The following GRIP1 variants were observed in gnomAD, a reference collection of about 807,000 sequenced individuals.
The protein encoded by GRIP1 is glutamate receptor-interacting protein 1.
A neutral mutation model predicts 129.9 loss-of-function variants in GRIP1; 45 were observed. The observed-to-expected ratio is 0.35, with a 90% CI of 0.27 to 0.44. The LOEUF is 0.44. GRIP1 is among the 20% of genes least tolerant of loss of function. The probability of loss-of-function intolerance (pLI) is 1.00; values close to 1 mark genes in which losing one functional copy is unlikely to be tolerated. For missense variants in GRIP1, 1,196 were observed against 1,396.8 expected, an observed-to-expected ratio of 0.86 and a Z score of 2.29; for synonymous variants, 530 against 520.8, an observed-to-expected ratio of 1.02 and a Z score of -0.24.
chr12:66,798,595 A>G (rs2038768329), intron 1 of GRIP1, among the ~76,000 whole-genome samples: 1 of 152,186 alleles, frequency 6.6e-6, no homozygotes, highest in African/African-American at 2.4e-5. Context: ...TCTATTTCAG[A>G]TAGCATGCCG....
chr12:67,019,252 C>T (rs2042831150), intron 1 of GRIP1, among the ~76,000 whole-genome samples: 1 of 152,148 alleles, frequency 6.6e-6, no homozygotes, highest in Non-Finnish European at 1.5e-5. Context: ...ACAGGCAGTC[C>T]AAGAATCTGC....
At chr12:66,994,889 A>G in intron 1 of GRIP1, among the ~76,000 whole-genome samples, 1 of 152,080 alleles carries the variant, frequency 6.6e-6, no homozygotes. Context: ...AGCCAAAATA[A>G]TCTTCAAAAC....
chr12:66,621,353 C>CATA (rs1270192653), intron 1 of GRIP1, among the ~76,000 whole-genome samples: 16 of 152,310 alleles, frequency 1.1e-4, no homozygotes, highest in African/African-American at 3.6e-4. Flanking sequence ...AGGGCAGTGA[C>CATA]ATAATGTGTG....
At chr12:66,451,794 C>T (rs762676590) in intron 11 of GRIP1, among the ~76,000 whole-genome samples, 7 of 152,124 alleles carry the variant, frequency 4.6e-5, no homozygotes, top group Non-Finnish European at 1.0e-4. Context: ...GGTTCAGGAA[C>T]GCAGTAGAGG....
At chr12:66,574,782 C>T (rs1214584952) in intron 2 of GRIP1, among the ~76,000 whole-genome samples, 3 of 122,332 alleles carry the variant, frequency 2.5e-5, no homozygotes, top group South Asian at 2.6e-4. Flanking sequence ...TCTGTTCCCA[C>T]TTTTCTTTTT....
rs1182959869 is a variant in GRIP1, at chr12:66,531,251, AAATATATATATATATATATATAT to A, written c.419-1360_419-1338del. Among the ~76,000 whole-genome samples, 21 of 39,784 alleles carry A rather than the reference AAATATATATATATATATATATAT, an allele frequency of 5.3e-4. 5 individuals are homozygous for A. Among genetic ancestry groups the A allele is most frequent in the African/African-American group, 2.4e-3 (21 of 8,578 alleles). 26.1% of individuals were successfully genotyped at this position (39,784 alleles called of 152,430 possible). A position where few individuals can be genotyped will look rare whatever the true frequency, so the allele number is the denominator to read the frequency against. The stretch of plus-strand genomic sequence containing the variant: ...ACTCTGTCTCAAAAAAAAAAAAAAA[AAATATATATATATATATATATAT>A]ATATATATATATATATATATATATA... On this transcript the variant is annotated intron_variant, in intron 4 of 24. Coordinates refer to ENST00000359742, the MANE Select transcript of GRIP1 (RefSeq NM_001366722.1).
chr12:66,520,725 C>T (rs1357636225), intron 5 of GRIP1, among the ~76,000 whole-genome samples: 1 of 152,160 alleles, frequency 6.6e-6, no homozygotes, highest in African/African-American at 2.4e-5. Context: ...TCAGTTGCTT[C>T]TATTCTGTTT....
At chr12:66,887,593 T>C (rs542806899) in intron 1 of GRIP1, among the ~76,000 whole-genome samples, 1 of 152,356 alleles carries the variant, frequency 6.6e-6, no homozygotes, top group South Asian at 2.1e-4. Flanking sequence ...ACAACAGATA[T>C]TTATTTGACC....
At chr12:66,594,737 T>C (rs1449226252) in intron 2 of GRIP1, among the ~76,000 whole-genome samples, 2 of 152,186 alleles carry the variant, frequency 1.3e-5, no homozygotes, top group Non-Finnish European at 2.9e-5. Flanking sequence ...TGTGCATTTT[T>C]CTCTCTCTCA....
intron 7 of GRIP1, among the ~76,000 whole-genome samples, chr12:66,468,108 T>A (rs1175597872): frequency 1.3e-5 from 2 of 152,214 alleles, no homozygotes; most frequent in African/African-American, 4.8e-5. Flanking sequence ...AAGAACCACA[T>A]TTCCCAGCCT....
chr12:66,773,653 C>G (rs1165286042), intron 1 of GRIP1, among the ~76,000 whole-genome samples: 2 of 152,008 alleles, frequency 1.3e-5, no homozygotes, highest in Non-Finnish European at 2.9e-5. Context: ...ATGTGTATAC[C>G]TATGTAACAA....
rs184221696 is a variant in GRIP1 at position 66,980,704 on chromosome 12, A to G, written c.58+88346T>C. Among the ~76,000 whole-genome samples, 42 of 152,382 alleles carry G rather than the reference A, an allele frequency of 2.8e-4. 1 individual carries two copies. The highest frequency in any genetic ancestry group is 2.2e-3 in the Admixed American group (34 of 15,302). On this transcript the variant is annotated intron_variant, in intron 1 of 1. Coordinates refer to the GRIP1 transcript ENST00000643019. ...TTATATAAATGAGAAAATTGAGACA[A>G]GAAGAAACTAACTTGGCCAAGCATC...
At chr12:66,676,787 C>A (rs1449708994) in intron 1 of GRIP1, among the ~76,000 whole-genome samples, 2 of 152,038 alleles carry the variant, frequency 1.3e-5, no homozygotes, top group Admixed American at 1.3e-4. Flanking sequence ...AAAGAAAGGT[C>A]ATTTTAATAT....
rs146027352 is a variant in GRIP1 at position 67,029,676 on chromosome 12, C to T, written c.58+39374G>A. On this transcript the variant is annotated intron_variant, in intron 1 of 1. Transcript: ENST00000643019. ...AACCAAAATCTTGGCAACGATATAA[C>T]ATTGCTTTGACTTTTCCAACTGTTT... 4.7e-5 allele frequency among the ~76,000 whole-genome samples: 7 copies of T among 149,822 alleles called. No individual in the cohort carries two copies. The East Asian group carries it at 1.2e-3, about 25-fold the overall frequency.
At chr12:66,406,515 T>C (rs1411142406) in intron 15 of GRIP1, 87 bp from the exon 16 acceptor site, 4 of 1,274,912 alleles carry the variant, frequency 3.1e-6, no homozygotes, top group Middle Eastern at 1.8e-4. Flanking sequence ...TGCAGCATTA[T>C]GGTAGTCTTT....
rs80312733 is a variant in GRIP1, at chr12:66,540,148, G to A, written c.273-925C>T. ...CCTAATGCTCTGTAATAACTTCTGT[G>A]CTGTTGCTTTTTGCTATCATGCAAT... is the stretch of plus-strand genomic sequence containing the variant. On this transcript the variant is annotated intron_variant, in intron 3 of 24. Coordinates refer to ENST00000359742, the MANE Select transcript of GRIP1 (RefSeq NM_001366722.1). Among the ~76,000 whole-genome samples the A allele has an allele frequency of 6.1e-3, 923 of 152,222 alleles. 7 individuals are homozygous for A. Among genetic ancestry groups the A allele is most frequent in the African/African-American group, 0.02 (845 of 41,516 alleles).
At chr12:66,729,167 T>A (rs1389236657) in intron 1 of GRIP1, among the ~76,000 whole-genome samples, 4 of 152,082 alleles carry the variant, frequency 2.6e-5, no homozygotes, top group African/African-American at 7.2e-5. Context: ...GGACTATAGA[T>A]GTGCACCACT....
chr12:66,907,692 G>A (rs1299511422), intron 1 of GRIP1, among the ~76,000 whole-genome samples: 2 of 152,130 alleles, frequency 1.3e-5, no homozygotes, highest in Admixed American at 6.6e-5. Flanking sequence ...ATGAGATGAC[G>A]ATAGAAGGGG....
At chr12:66,803,882 A>C (rs2038925595) in intron 1 of GRIP1, 1 of 311,066 alleles carries the variant, frequency 3.2e-6, no homozygotes, top group Non-Finnish European at 6.5e-6. Flanking sequence ...CTATTATCTA[A>C]TGGCTGTTCT....
Sources: allele counts gnomAD v4.1 joint callset (sites outside exome capture counted in the v4.1 genomes callset), GRCh38; gene constraint gnomAD v4.1.1; transcripts MANE v1.5; gene names NCBI Gene and HGNC (gene_info 2026-07-23, HGNC 2026-07-21).